The following NBAS variants were observed in gnomAD, a reference collection of about 807,000 sequenced individuals.
The protein encoded by NBAS is NAG/BC035112 fusion.
In NBAS, 219 loss-of-function variants were observed where a neutral mutation model predicts 302.5. The ratio of observed to expected loss-of-function variants is 0.72; its 90% CI spans 0.65 to 0.81. NBAS has a LOEUF of 0.81. NBAS is among the 30% of genes least tolerant of loss of function. The probability of loss-of-function intolerance (pLI) is 0.00; values close to 1 mark genes in which losing one functional copy is unlikely to be tolerated. For synonymous variants in NBAS, 1,118 were observed against 1,021.6 expected (o/e 1.09, Z -1.80); for missense variants, 2,932 against 2,841.6 (o/e 1.03, Z -0.72).
At chr2:15,134,821 T>A in the NBAS span, among the ~76,000 whole-genome samples, 10 of 152,174 alleles carry the variant, frequency 6.6e-5, no homozygotes, top group Non-Finnish European at 1.0e-4. Context: ...CAAATGTAAT[T>A]TGAGAGAATT....
chr2:14,877,110 T>C, the NBAS span, among the ~76,000 whole-genome samples: 1 of 152,210 alleles, frequency 6.6e-6, no homozygotes, highest in Non-Finnish European at 1.5e-5. Flanking sequence ...GTACATAGTG[T>C]ATGCACTTTA....
At chr2:15,445,529 T>A (rs1177767415) in intron 21 of NBAS, among the ~76,000 whole-genome samples, 29 of 130,890 alleles carry the variant, frequency 2.2e-4, no homozygotes, top group Middle Eastern at 3.7e-3. Context: ...GGGGGAGGGA[T>A]AGCATTGGGA....
At chr2:15,093,084 T>C in the NBAS span, among the ~76,000 whole-genome samples, 8 of 152,270 alleles carry the variant, frequency 5.3e-5, no homozygotes, top group Admixed American at 3.9e-4. Flanking sequence ...GCAATCTCAA[T>C]GACTGCTTAG....
intron 25 of NBAS, among the ~76,000 whole-genome samples, chr2:15,406,137 A>G (rs1676405857): frequency 6.6e-6 from 1 of 151,448 alleles, no homozygotes; most frequent in African/African-American, 2.4e-5. Flanking sequence ...AACATGAGGA[A>G]AAAAACCCAC....
At chr2:15,352,980 G>A (rs752466600) in intron 34 of NBAS, among the ~76,000 whole-genome samples, 8 of 152,098 alleles carry the variant, frequency 5.3e-5, no homozygotes, top group South Asian at 2.1e-4. Context: ...GCCCTCTCCC[G>A]TCTTGCTCAT....
At chr2:15,153,563 C>T in the NBAS span, among the ~76,000 whole-genome samples, 2 of 152,236 alleles carry the variant, frequency 1.3e-5, no homozygotes, top group African/African-American at 4.8e-5. Context: ...CATCTACCAA[C>T]ATTGCTCTAG....
At chr2:14,790,280 G>A in the NBAS span, among the ~76,000 whole-genome samples, 1 of 152,144 alleles carries the variant, frequency 6.6e-6, no homozygotes, top group East Asian at 1.9e-4. Flanking sequence ...AACATAAGAG[G>A]TTTTGTACCA....
intron 31 of NBAS, among the ~76,000 whole-genome samples, chr2:15,368,730 T>G (rs1367777330): frequency 6.6e-6 from 1 of 152,182 alleles, no homozygotes; most frequent in Non-Finnish European, 1.5e-5. Flanking sequence ...GGCTTGGCCC[T>G]GTGACATCTA....
intron 25 of NBAS, 122 bp downstream of exon 25, chr2:15,415,424 T>A: frequency 3.5e-6 from 3 of 866,078 alleles, no homozygotes. Context: ...AAAATGACAA[T>A]CATTTGTTTT....
At chr2:15,268,912 T>C (rs1204285512) in intron 44 of NBAS, among the ~76,000 whole-genome samples, 1 of 152,220 alleles carries the variant, frequency 6.6e-6, no homozygotes, top group African/African-American at 2.4e-5. Context: ...ATAGAAATAT[T>C]TCTGCTCCCC....
At chr2:15,100,403 A>G in the NBAS span, among the ~76,000 whole-genome samples, 1 of 152,224 alleles carries the variant, frequency 6.6e-6, no homozygotes, top group African/African-American at 2.4e-5. Context: ...TGTCATGGCA[A>G]AGAAACATAA....
the NBAS span, among the ~76,000 whole-genome samples, chr2:15,033,877 G>C: frequency 3.4e-4 from 52 of 151,634 alleles, no homozygotes; most frequent in African/African-American, 1.2e-3. Context: ...GAACCTAGGG[G>C]GCAGAGTTTG....
chr2:14,830,084 T>A, the NBAS span, among the ~76,000 whole-genome samples: 4 of 152,146 alleles, frequency 2.6e-5, no homozygotes, highest in African/African-American at 9.7e-5. Context: ...TTCTTGACGA[T>A]CCCATTCTGA....
the NBAS span, among the ~76,000 whole-genome samples, chr2:15,072,515 A>T: frequency 6.6e-6 from 1 of 152,188 alleles, no homozygotes; most frequent in African/African-American, 2.4e-5. Flanking sequence ...TATCTAGTCA[A>T]ATCCATTTAA....
intron 41 of NBAS, among the ~76,000 whole-genome samples, chr2:15,287,941 C>T (rs1226435298): frequency 6.7e-6 from 1 of 149,796 alleles, no homozygotes. Context: ...GCATTCTGAG[C>T]ACCCCATGGA....
chr2:15,414,500 T>C (rs1294651604), intron 25 of NBAS, among the ~76,000 whole-genome samples: 1 of 152,214 alleles, frequency 6.6e-6, no homozygotes, highest in Non-Finnish European at 1.5e-5. Flanking sequence ...GATCTATGGC[T>C]AAATTTTTAG....
chr2:14,896,005 G>GAAAA, the NBAS span, among the ~76,000 whole-genome samples: 1 of 150,118 alleles, frequency 6.7e-6, no homozygotes, highest in African/African-American at 2.4e-5. Flanking sequence ...CTATAAAGGG[G>GAAAA]AAAAAAAAAC....
chr2:15,509,767 T>G (rs1468623611), intron 10 of NBAS, among the ~76,000 whole-genome samples: 1 of 152,240 alleles, frequency 6.6e-6, no homozygotes, highest in African/African-American at 2.4e-5. Context: ...TCAACTTTTC[T>G]AGATTTCTTC....
the NBAS span, among the ~76,000 whole-genome samples, chr2:15,147,724 C>A: frequency 6.6e-6 from 1 of 152,108 alleles, no homozygotes; most frequent in Non-Finnish European, 1.5e-5. Flanking sequence ...AAATGTGGCT[C>A]TAAGGACCGC....
Sources: allele counts gnomAD v4.1 joint callset (sites outside exome capture counted in the v4.1 genomes callset), GRCh38; gene constraint gnomAD v4.1.1; transcripts MANE v1.5; gene names NCBI Gene and HGNC (gene_info 2026-07-23, HGNC 2026-07-21).